TTC27: variants seen among roughly 807,000 people sequenced by gnomAD.
The protein encoded by TTC27 is tetratricopeptide repeat domain 27.
TTC27 carries 79 observed loss-of-function variants against 115.9 expected under a neutral mutation model. The observed-to-expected ratio is 0.68, with a 90% CI of 0.57 to 0.82. TTC27 has a LOEUF of 0.82. TTC27 is among the 40% of genes least tolerant of loss of function. The pLI is 0.00. For synonymous variants in TTC27, 401 were observed against 356.0 expected, an observed-to-expected ratio of 1.13 and a Z score of -1.42; for missense variants, 1,054 against 993.1, an observed-to-expected ratio of 1.06 and a Z score of -0.82.
chr2:32,673,962 T>C (rs1666103510), intron 8 of TTC27, among the ~76,000 whole-genome samples: 1 of 152,062 alleles, frequency 6.6e-6, no homozygotes, highest in South Asian at 2.1e-4. Context: ...TCCACCTGGG[T>C]GACAGAGTGA....
intron 9 of TTC27, among the ~76,000 whole-genome samples, chr2:32,682,946 C>T (rs1183808565): frequency 5.4e-5 from 8 of 148,374 alleles, no homozygotes; most frequent in African/African-American, 1.0e-4. Flanking sequence ...CTCCGCCTCC[C>T]GGGTTCATGC....
At chr2:32,705,229 C>T (rs552525437) in intron 10 of TTC27, among the ~76,000 whole-genome samples, 7 of 152,284 alleles carry the variant, frequency 4.6e-5, no homozygotes, top group African/African-American at 1.4e-4. Context: ...ATGTGATCCA[C>T]TTGCTTCCCT....
chr2:32,678,906 T>G lies in TTC27; in HGVS notation c.1103T>G (p.Leu368Arg), dbSNP rs746228755. Residue 368 changes from leucine to arginine, a missense_variant, in exon 9 of 20, where the codon CTT becomes CGT. Leu to Arg is a moderately radical substitution (Grantham distance 102). Coordinates refer to ENST00000317907, the MANE Select transcript of TTC27 (RefSeq NM_017735.5). ...NPVHTLTEVE[L>R]LAFTSCLLSQ... ...GTGCACACATTAACTGAAGTGGAGC[T>G]TCTGGCATTTACATCAGTGAGTAAT... 2 of 1,613,284 alleles carry G rather than the reference T, an allele frequency of 1.2e-6. No individual in the cohort carries two copies. Among genetic ancestry groups the G allele is most frequent in the East Asian group, 4.5e-5 (2 of 44,834 alleles).
intron 16 of TTC27, 87 bp from the exon 17 acceptor site, chr2:32,810,937 T>C (rs555609882): frequency 7.1e-7 from 1 of 1,414,790 alleles, no homozygotes; most frequent in East Asian, 2.3e-5. Flanking sequence ...TTCATTGTCA[T>C]TGTCTTTGAT....
intron 4 of TTC27, among the ~76,000 whole-genome samples, chr2:32,645,973 C>G (rs753395566): frequency 2.6e-5 from 4 of 151,902 alleles, no homozygotes; most frequent in African/African-American, 7.3e-5. Context: ...CTTGCCTCAG[C>G]CTCCCAAAGT....
chr2:32,664,962 A>G (rs1329959723), intron 6 of TTC27, among the ~76,000 whole-genome samples: 1 of 151,284 alleles, frequency 6.6e-6, no homozygotes, highest in African/African-American at 2.4e-5. Context: ...CCTCCCTAGT[A>G]GCTAGGATTA....
intron 10 of TTC27, among the ~76,000 whole-genome samples, chr2:32,725,548 C>T (rs1332886953): frequency 2.0e-5 from 3 of 152,210 alleles, no homozygotes; most frequent in Non-Finnish European, 4.4e-5. Flanking sequence ...GGTGGGTTCC[C>T]ATGGTCTTGG....
intron 16 of TTC27, among the ~76,000 whole-genome samples, chr2:32,803,865 GGT>G (rs1469809118): frequency 6.6e-6 from 1 of 152,092 alleles, no homozygotes; most frequent in Non-Finnish European, 1.5e-5. Context: ...GAATTAGCCA[GGT>G]GTGGTGGCAT....
intron 17 of TTC27, among the ~76,000 whole-genome samples, chr2:32,811,755 C>A (rs1436323589): frequency 6.6e-6 from 1 of 152,216 alleles, no homozygotes; most frequent in Non-Finnish European, 1.5e-5. Context: ...ATGCCTTTAG[C>A]CTCTTATCTT....
rs887203925 is a variant in TTC27, at chr2:32,788,694, C to A, written c.1998+1545C>A. On this transcript the variant is annotated intron_variant, in intron 16 of 19. Coordinates refer to ENST00000317907, the MANE Select transcript of TTC27 (RefSeq NM_017735.5). The stretch of plus-strand genomic sequence containing the variant: ...TAAGGATTAGTAACAACTGGCTCAC[C>A]AGGTTGGCTTTTTGGATCTTGAGAA... Among the ~76,000 whole-genome samples the A allele has an allele frequency of 9.2e-5, 14 of 152,234 alleles. No individual in the cohort carries two copies. The East Asian group carries it at 2.3e-3, about 25-fold the overall frequency.
At position 32,812,572 on chromosome 2, in the gene TTC27, A is replaced by C. The variant is rs773955652; in HGVS notation, c.2265A>C (p.Thr755=). The C allele has an allele frequency of 3.2e-5, 51 of 1,614,138 alleles. No homozygotes were observed. The East Asian group carries it at 8.9e-4, about 28-fold the overall frequency. ...TQSNCWEKDI[T]SFKEVVQRAL... ...CCAATTGTTGGGAGAAAGATATTAC[A>C]TCATTTAAGGAAGTTGTTCAAAGAG... The change falls in exon 18 of 20, where the codon ACA becomes ACC. Residue 755 remains threonine, a synonymous_variant. Coordinates refer to ENST00000317907, the MANE Select transcript of TTC27 (RefSeq NM_017735.5).
chr2:32,629,579 C>G (rs549119625), intron 1 of TTC27, among the ~76,000 whole-genome samples: 119 of 150,506 alleles, frequency 7.9e-4, no homozygotes, highest in Non-Finnish European at 1.5e-3. Flanking sequence ...GGACTAAAGG[C>G]GCCTGCCACC....
intron 10 of TTC27, among the ~76,000 whole-genome samples, chr2:32,726,866 G>A (rs1393138756): frequency 6.6e-6 from 1 of 152,178 alleles, no homozygotes; most frequent in Non-Finnish European, 1.5e-5. Context: ...TCACAATCAT[G>A]GTGGAAGGCA....
At chr2:32,810,187 A>G (rs1212332393) in intron 16 of TTC27, among the ~76,000 whole-genome samples, 1 of 152,064 alleles carries the variant, frequency 6.6e-6, no homozygotes, top group Non-Finnish European at 1.5e-5. Context: ...GATACTTCGC[A>G]TGCCTAATGC....
At chr2:32,728,074 G>A (rs535362503) in intron 10 of TTC27, among the ~76,000 whole-genome samples, 3 of 131,012 alleles carry the variant, frequency 2.3e-5, no homozygotes, top group Non-Finnish European at 3.1e-5. Flanking sequence ...ACAGAGTCTC[G>A]CTGTCGCCCA....
intron 17 of TTC27, among the ~76,000 whole-genome samples, chr2:32,812,183 C>G (rs1308934977): frequency 2.0e-5 from 3 of 152,214 alleles, no homozygotes; most frequent in African/African-American, 7.2e-5. Flanking sequence ...ATGCCTCATT[C>G]TCTAAACAGG....
rs1399482618 is a variant in TTC27 at position 32,782,679 on chromosome 2, G to A, written c.1832+1G>A. ...CTTCCTATATCCGATTAAAACAAAA[G>A]TAAGTACATCAGACAAATATGAAGA... On this transcript the variant is annotated splice_donor_variant, in intron 15 of 19. Transcript: ENST00000317907. LOFTEE classifies it high-confidence loss of function. 1 of 1,608,834 alleles carries A rather than the reference G, an allele frequency of 6.2e-7. No homozygotes were observed. Among genetic ancestry groups the A allele is most frequent in the Admixed American group, 1.7e-5 (1 of 59,728 alleles).
intron 5 of TTC27, among the ~76,000 whole-genome samples, chr2:32,660,931 GA>G (rs1461171883): frequency 1.3e-5 from 2 of 152,140 alleles, no homozygotes; most frequent in African/African-American, 4.8e-5. Context: ...AATCCATCTT[GA>G]GTTAATTTTT....
chr2:32,646,211 G>T (rs1476557757), intron 4 of TTC27, among the ~76,000 whole-genome samples: 2 of 151,506 alleles, frequency 1.3e-5, no homozygotes, highest in South Asian at 4.2e-4. Context: ...TGCATTTTTA[G>T]TAGAGACGGG....
Sources: allele counts gnomAD v4.1 joint callset (sites outside exome capture counted in the v4.1 genomes callset), GRCh38; gene constraint gnomAD v4.1.1; transcripts MANE v1.5; gene names NCBI Gene and HGNC (gene_info 2026-07-23, HGNC 2026-07-21).